The following EEPD1 variants were observed in gnomAD, a reference collection of about 807,000 sequenced individuals.
The protein encoded by EEPD1 is endonuclease/exonuclease/phosphatase family domain-containing protein 1.
A neutral mutation model predicts 46.3 loss-of-function variants in EEPD1; 17 were observed. That is an observed-to-expected ratio of 0.37 (90% CI 0.25 to 0.55). The LOEUF (loss-of-function observed/expected upper bound fraction) is 0.55, where lower values mean the gene tolerates loss of function less well. Among genes scored for constraint, EEPD1 ranks in the 20% least tolerant of loss-of-function variants. The pLI, the probability that EEPD1 is intolerant of heterozygous loss-of-function variation, is 0.83. For synonymous variants in EEPD1, 313 were observed against 315.6 expected, an observed-to-expected ratio of 0.99 and a Z score of 0.09; for missense variants, 673 against 745.6, an observed-to-expected ratio of 0.90 and a Z score of 1.13.
intron 2 of EEPD1, among the ~76,000 whole-genome samples, chr7:36,172,980 T>C (rs1028975644): frequency 2.6e-5 from 4 of 152,082 alleles, no homozygotes; most frequent in Non-Finnish European, 5.9e-5. Context: ...TCCAGGTAGA[T>C]AGTATAGAAA....
intron 3 of EEPD1, among the ~76,000 whole-genome samples, chr7:36,279,318 A>G (rs964220593): frequency 6.6e-6 from 1 of 152,132 alleles, no homozygotes; most frequent in Non-Finnish European, 1.5e-5. Context: ...TGCTTACATG[A>G]CTAACTGTAA....
intron 2 of EEPD1, among the ~76,000 whole-genome samples, chr7:36,219,806 AGTGTGTGT>A (rs70977121): frequency 1.2e-3 from 87 of 75,424 alleles, no homozygotes; most frequent in East Asian, 3.1e-3. Context: ...AGAGAGAGAG[AGTGTGTGT>A]GTGTGTGTGT....
intron 2 of EEPD1, among the ~76,000 whole-genome samples, chr7:36,218,341 A>G (rs1053146054): frequency 2.0e-5 from 3 of 152,220 alleles, no homozygotes; most frequent in African/African-American, 7.2e-5. Context: ...GAGATTAACA[A>G]CAATAATAAT....
intron 2 of EEPD1, among the ~76,000 whole-genome samples, chr7:36,200,747 C>T (rs1785698104): frequency 2.0e-5 from 3 of 152,074 alleles, no homozygotes; most frequent in Non-Finnish European, 2.9e-5. Context: ...TTGTGGTTGC[C>T]GGCTCCACGT....
intron 3 of EEPD1, among the ~76,000 whole-genome samples, chr7:36,261,110 G>A (rs1786914971): frequency 6.6e-6 from 1 of 152,234 alleles, no homozygotes; most frequent in African/African-American, 2.4e-5. Flanking sequence ...AGATGTATGT[G>A]TGGATGTGTG....
chr7:36,193,459 G>A lies in EEPD1; in HGVS notation c.878+38257G>A, dbSNP rs1785518108. Among the ~76,000 whole-genome samples, 1 of 152,166 alleles carries A rather than the reference G, an allele frequency of 6.6e-6. No homozygotes were observed. Among genetic ancestry groups the A allele is most frequent in the African/African-American group, 2.4e-5 (1 of 41,438 alleles). On this transcript the variant is annotated intron_variant, in intron 2 of 7. Coordinates refer to ENST00000242108, the MANE Select transcript of EEPD1 (RefSeq NM_030636.3). The surrounding 1 kb of genome is among the most constrained non-coding windows in gnomAD (Gnocchi z 4.9). Reference sequence around the variant, plus strand: ...CAGCCACTTCATGCCAGCCTTGGGAGGTCCCCCGGGGAGTGCGGTCCCCTG... The same window carrying A: ...CAGCCACTTCATGCCAGCCTTGGGAAGTCCCCCGGGGAGTGCGGTCCCCTG...
chr7:36,208,087 A>G (rs1365567600), intron 2 of EEPD1, among the ~76,000 whole-genome samples: 1 of 152,038 alleles, frequency 6.6e-6, no homozygotes, highest in Non-Finnish European at 1.5e-5. Context: ...TGAAGTGTGA[A>G]TCCTAGTGAC....
At chr7:36,212,320 G>A (rs1426920724) in intron 2 of EEPD1, among the ~76,000 whole-genome samples, 1 of 151,840 alleles carries the variant, frequency 6.6e-6, no homozygotes, top group East Asian at 1.9e-4. Flanking sequence ...GTTTGAAGAG[G>A]CTTAACTATG....
chr7:36,254,122 T>A (rs1382645507), intron 3 of EEPD1, among the ~76,000 whole-genome samples: 1 of 152,226 alleles, frequency 6.6e-6, no homozygotes, highest in Non-Finnish European at 1.5e-5. Flanking sequence ...TGAGCTAGGA[T>A]TTACCATATG....
chr7:36,178,187 C>T (rs774815101), intron 2 of EEPD1, among the ~76,000 whole-genome samples: 28 of 151,998 alleles, frequency 1.8e-4, no homozygotes, highest in Non-Finnish European at 3.7e-4. Flanking sequence ...AAAGCACTTG[C>T]ACCACACCTG....
At chr7:36,262,942 C>T (rs779396799) in intron 3 of EEPD1, among the ~76,000 whole-genome samples, 1 of 152,094 alleles carries the variant, frequency 6.6e-6, no homozygotes, top group Non-Finnish European at 1.5e-5. Context: ...GCTTGACAGT[C>T]CTGGTGTATG....
intron 2 of EEPD1, among the ~76,000 whole-genome samples, chr7:36,190,467 T>G (rs771375462): frequency 1.3e-5 from 2 of 152,218 alleles, no homozygotes; most frequent in Non-Finnish European, 2.9e-5. Context: ...CCCACTCTCA[T>G]TCCTGTGACA....
intron 6 of EEPD1, among the ~76,000 whole-genome samples, chr7:36,293,831 G>T (rs372682782): frequency 5.3e-5 from 8 of 152,054 alleles, no homozygotes; most frequent in African/African-American, 1.9e-4. Flanking sequence ...AGGCGCAGTG[G>T]CACACATCTG....
chr7:36,208,591 A>G (rs1382738187), intron 2 of EEPD1, among the ~76,000 whole-genome samples: 1 of 152,190 alleles, frequency 6.6e-6, no homozygotes, highest in Non-Finnish European at 1.5e-5. Context: ...TGCTGGAGGC[A>G]GGGAGTCTGG....
intron 2 of EEPD1, among the ~76,000 whole-genome samples, chr7:36,234,138 C>T (rs1028578665): frequency 6.6e-6 from 1 of 152,048 alleles, no homozygotes; most frequent in Non-Finnish European, 1.5e-5. Context: ...AGGCTGGTCT[C>T]GAAGTCCTGA....
intron 2 of EEPD1, among the ~76,000 whole-genome samples, chr7:36,191,919 A>G (rs1785468177): frequency 6.6e-6 from 1 of 152,186 alleles, no homozygotes; most frequent in Non-Finnish European, 1.5e-5. Context: ...GACCCCTGCT[A>G]CATGCCCTTA....
At position 36,197,100 on chromosome 7, in the gene EEPD1, C is replaced by A. The variant is rs6946048; in HGVS notation, c.879-41885C>A. The stretch of plus-strand genomic sequence containing the variant: ...GAGGTGAGGAGCGTCTCTGCCCGGC[C>A]GCCCCATCTGAGAAGTGAGGAGACC... On this transcript the variant is annotated intron_variant, in intron 2 of 7. Transcript: ENST00000242108. 7.7e-4 allele frequency among the ~76,000 whole-genome samples: 113 copies of A among 146,544 alleles called. 1 individual carries two copies. Among genetic ancestry groups the A allele is most frequent in the African/African-American group, 2.8e-3 (110 of 39,050 alleles).
intron 2 of EEPD1, among the ~76,000 whole-genome samples, chr7:36,168,004 G>T (rs1362527678): frequency 6.6e-6 from 1 of 152,120 alleles, no homozygotes; most frequent in South Asian, 2.1e-4. Flanking sequence ...ACCCAAGTGG[G>T]GCTTTCCCTG....
At chr7:36,275,170 A>G (rs1787164700) in intron 3 of EEPD1, among the ~76,000 whole-genome samples, 4 of 152,234 alleles carry the variant, frequency 2.6e-5, no homozygotes, top group Non-Finnish European at 5.9e-5. Context: ...AATTTGACCT[A>G]GAGGGTTCAA....
Sources: allele counts gnomAD v4.1 joint callset (sites outside exome capture counted in the v4.1 genomes callset), GRCh38; gene constraint gnomAD v4.1.1; non-coding constraint Gnocchi (gnomAD v3.1); transcripts MANE v1.5; gene names NCBI Gene and HGNC (gene_info 2026-07-23, HGNC 2026-07-21).